The following CNGB1 variants were observed in gnomAD, a reference collection of about 807,000 sequenced individuals.
The protein encoded by CNGB1 is cyclic nucleotide gated channel subunit beta 1, also known as cyclic nucleotide-gated channel beta-1.
In CNGB1, 126 loss-of-function variants were observed where a neutral mutation model predicts 151.7. The observed-to-expected ratio is 0.83, with a 90% CI of 0.72 to 0.96. The LOEUF is 0.96. CNGB1 is among the 40% of genes least tolerant of loss of function. CNGB1 has a pLI of 0.00. For missense variants in CNGB1, 1,698 were observed against 1,627.0 expected, an observed-to-expected ratio of 1.04 and a Z score of -0.75; for synonymous variants, 623 against 635.1, an observed-to-expected ratio of 0.98 and a Z score of 0.29.
chr16:57,928,948 T>C lies in CNGB1; in HGVS notation c.1535+2768A>G, dbSNP rs558985932. On this transcript the variant is annotated intron_variant, in intron 17 of 32. Transcript: ENST00000251102. ...GCCACTATGCCCAGCCCACATTATA[T>C]TGTCTAATAATACAATGGGTAGATG... 4.6e-5 allele frequency among the ~76,000 whole-genome samples: 7 copies of C among 152,272 alleles called. No homozygotes were observed. The South Asian group carries it at 6.2e-4, about 14-fold the overall frequency.
chr16:57,923,101 TGGG>T (rs2149367841), intron 18 of CNGB1, 169 bp downstream of exon 18: 1 of 520,006 alleles, frequency 1.9e-6, no homozygotes, highest in East Asian at 3.5e-5. Context: ...ACAGGACTCC[TGGG>T]CCAGCCAGAA....
chr16:57,946,979 A>G (rs1166995331), intron 14 of CNGB1, among the ~76,000 whole-genome samples: 1 of 152,246 alleles, frequency 6.6e-6, no homozygotes, highest in Non-Finnish European at 1.5e-5. Flanking sequence ...GTGTGCAAGT[A>G]TGTACATGTG....
chr16:57,904,052 G>A, intron 26 of CNGB1, 71 bp from the exon 27 acceptor site: 2 of 1,469,866 alleles, frequency 1.4e-6, no homozygotes, highest in Non-Finnish European at 1.9e-6. Flanking sequence ...CCATGGATTT[G>A]GGATGTGTCA....
Position 57,897,514 on chromosome 16 carries a change from C to G in CNGB1, c.3125G>C (p.Arg1042Pro). The G allele has an allele frequency of 6.2e-7, 1 of 1,614,152 alleles. No individual in the cohort carries two copies. The highest frequency in any genetic ancestry group is 1.3e-5 in the African/African-American group (1 of 75,042). ...SLLAVGGGNR[R>P]TANVVAHGFT... ...CCCGTGCGCCACCACGTTGGCCGTG[C>G]GCCGGTTCCCGCCCCCAACAGCCAG... Residue 1042 changes from arginine (R) to proline (P), a missense_variant, in exon 31 of 33, where the codon CGC (arginine) becomes CCC (proline). Coordinates refer to ENST00000251102, the MANE Select transcript of CNGB1 (RefSeq NM_001297.5).
At position 57,964,118 on chromosome 16, in the gene CNGB1, G is replaced by A. The variant is rs1200672078; in HGVS notation, c.290+12C>T. ...GGGCTGGCCCTGAAGAGAGGGGAGG[G>A]TGGTGCAGTACCTATTCATTTCAGA... is the stretch of plus-strand genomic sequence containing the variant. On this transcript the variant is annotated intron_variant, in intron 4 of 32. Transcript: ENST00000251102. 2 of 1,613,574 alleles carry A rather than the reference G, an allele frequency of 1.2e-6. No individual in the cohort carries two copies. The highest frequency in any genetic ancestry group is 2.7e-5 in the African/African-American group (2 of 75,064).
At chr16:57,964,305 G>A in intron 3 of CNGB1, 103 bp from the exon 4 acceptor site, 1 of 1,415,174 alleles carries the variant, frequency 7.1e-7, no homozygotes, top group Non-Finnish European at 9.9e-7. Flanking sequence ...GACCCCCAGG[G>A]GTCAGAAAGC....
intron 31 of CNGB1, among the ~76,000 whole-genome samples, chr16:57,896,283 A>G (rs1020339712): frequency 6.6e-6 from 1 of 152,176 alleles, no homozygotes; most frequent in Non-Finnish European, 1.5e-5. Context: ...TTGGGAGTAA[A>G]TGGCATCGTG....
intron 3 of CNGB1, 47 bp from the exon 4 acceptor site, chr16:57,964,249 C>T (rs1207800101): frequency 6.3e-7 from 1 of 1,584,282 alleles, no homozygotes; most frequent in South Asian, 1.1e-5. Flanking sequence ...TCAGACAGGC[C>T]CATTTCTACC....
Position 57,904,827 on chromosome 16 carries a change from C to T in CNGB1, c.2541G>A (p.Gly847=), listed in dbSNP as rs746598185. The part of the protein sequence containing the change: ...YFAVKTLITI[G]GLPDPKTLFE... ...AGAGTGTCTTGGGGTCAGGCAGCCC[C>T]CCGATGGTGATGAGGGTCTTCACAG... Residue 847 remains glycine (G), a synonymous_variant, in exon 26 of 33, where the codon GGG becomes GGA. Transcript: ENST00000251102. 32 of 1,613,972 alleles carry T rather than the reference C, an allele frequency of 2.0e-5. No individual in the cohort carries two copies. The highest frequency in any genetic ancestry group is 3.3e-4 in the Middle Eastern group (2 of 6,084).
intron 27 of CNGB1, among the ~76,000 whole-genome samples, chr16:57,902,982 C>G (rs1461396611): frequency 6.6e-6 from 1 of 152,106 alleles, no homozygotes; most frequent in East Asian, 1.9e-4. Context: ...GTGACATGCC[C>G]GTAGTCTTGT....
chr16:57,929,476 G>GGAGAGAGA (rs59227159), intron 17 of CNGB1, among the ~76,000 whole-genome samples: 77,607 of 144,940 alleles, frequency 0.54, 21,427 homozygotes, highest in African/African-American at 0.68. Context: ...AGAGAGAGAG[G>GGAGAGAGA]GAGAGAGAGA....
At chr16:57,910,914 G>A (rs1276899962) in intron 25 of CNGB1, among the ~76,000 whole-genome samples, 1 of 152,080 alleles carries the variant, frequency 6.6e-6, no homozygotes, top group Non-Finnish European at 1.5e-5. Flanking sequence ...CTTAACTTTG[G>A]CAAAATAAAC....
At chr16:57,960,370 T>G in intron 9 of CNGB1, 112 bp downstream of exon 9, 1 of 1,383,176 alleles carries the variant, frequency 7.2e-7, no homozygotes, top group Non-Finnish European at 1.0e-6. Context: ...AACCCCGTCC[T>G]AGTCTGGGTG....
chr16:57,907,816 C>T (rs1960597156), intron 25 of CNGB1, among the ~76,000 whole-genome samples: 1 of 152,174 alleles, frequency 6.6e-6, no homozygotes, highest in Non-Finnish European at 1.5e-5. Context: ...AGCATTAGAT[C>T]TTGACCCCAT....
intron 1 of CNGB1, 113 bp downstream of exon 1, chr16:57,970,947 G>A (rs574337753): frequency 3.3e-5 from 5 of 152,216 alleles, no homozygotes; most frequent in African/African-American, 1.2e-4. Context: ...CAGATAGAGG[G>A]AAGCCACAGG....
chr16:57,921,489 T>C (rs117836387), intron 18 of CNGB1, among the ~76,000 whole-genome samples: 1,637 of 152,226 alleles, frequency 0.011, 41 homozygotes, highest in East Asian at 0.079. Flanking sequence ...CTGAAAGTGC[T>C]GGGATTGCAG....
chr16:57,945,287 C>T (rs1961778654), intron 14 of CNGB1, among the ~76,000 whole-genome samples: 2 of 152,122 alleles, frequency 1.3e-5, no homozygotes, highest in South Asian at 2.1e-4. Flanking sequence ...GACAGGTCTC[C>T]GGCTGCAAGG....
At position 57,931,753 on chromosome 16, in the gene CNGB1, T is replaced by C; in HGVS notation, c.1498A>G (p.Thr500Ala). 1 of 1,613,840 alleles carries C rather than the reference T, an allele frequency of 6.2e-7. No homozygotes were observed. The highest frequency in any genetic ancestry group is 8.5e-7 in the Non-Finnish European group (1 of 1,179,958). The change falls in exon 17 of 33, where the codon ACC (threonine) becomes GCC (alanine). Residue 500 changes from threonine to alanine, a missense_variant. Thr to Ala is a moderately conservative substitution (Grantham distance 58). Coordinates refer to ENST00000251102, the MANE Select transcript of CNGB1 (RefSeq NM_001297.5). ...LPPPSPAKSDTLIVPSSASGT... is the reference protein window; with the variant it reads ...LPPPSPAKSDALIVPSSASGT... Reference sequence around the variant, plus strand: ...GAGGCTGAGCTTGGGACTATAAGGGTGTCTGATTTGGCAGGAGACGGTGGC... The same window carrying C: ...GAGGCTGAGCTTGGGACTATAAGGGCGTCTGATTTGGCAGGAGACGGTGGC...
chr16:57,888,701 C>T (rs1960006301), intron 31 of CNGB1, among the ~76,000 whole-genome samples: 2 of 152,178 alleles, frequency 1.3e-5, no homozygotes, highest in African/African-American at 4.8e-5. Flanking sequence ...ATCTACCCGC[C>T]TTGGCCTCCC....
Sources: allele counts gnomAD v4.1 joint callset (sites outside exome capture counted in the v4.1 genomes callset), GRCh38; gene constraint gnomAD v4.1.1; transcripts MANE v1.5; gene names NCBI Gene and HGNC (gene_info 2026-07-23, HGNC 2026-07-21).